SYNDIG1: variants seen among roughly 807,000 people sequenced by gnomAD.
SYNDIG1 encodes synapse differentiation-inducing gene protein 1.
A neutral mutation model predicts 19.4 loss-of-function variants in SYNDIG1; 9 were observed. The observed-to-expected ratio is 0.46, with a 90% CI of 0.28 to 0.81. The LOEUF is 0.81. Ranked by LOEUF, SYNDIG1 falls within the 30% of genes least tolerant of loss-of-function variation. The probability of loss-of-function intolerance (pLI) is 0.12; values close to 1 mark genes in which losing one functional copy is unlikely to be tolerated. For synonymous variants in SYNDIG1, 141 were observed against 145.9 expected, an observed-to-expected ratio of 0.97 and a Z score of 0.24; for missense variants, 311 against 343.3, an observed-to-expected ratio of 0.91 and a Z score of 0.74.
At chr20:24,639,207 C>T (rs528536314) in intron 3 of SYNDIG1, among the ~76,000 whole-genome samples, 31 of 152,124 alleles carry the variant, frequency 2.0e-4, no homozygotes, top group Middle Eastern at 3.2e-3. Flanking sequence ...GCAGGGAGAA[C>T]GTGACAGGCT....
rs1190303293 is a variant in SYNDIG1, at chr20:24,637,768, A to T, written c.619-27578A>T. The stretch of plus-strand genomic sequence containing the variant: ...GGTGTCACCAAGAGCCTCAGTCACC[A>T]CAGCAGGGCAGAGGCAGTGGGCTGC... On this transcript the variant is annotated intron_variant, in intron 3 of 3. Transcript: ENST00000376862. Among the ~76,000 whole-genome samples, 3 of 152,218 alleles carry T rather than the reference A, an allele frequency of 2.0e-5. No homozygotes were observed. The East Asian group carries it at 5.8e-4, about 29-fold the overall frequency.
rs905436065 is a variant in SYNDIG1 at position 24,620,973 on chromosome 20, T to C, written c.618+35980T>C. Among the ~76,000 whole-genome samples, 4 of 152,362 alleles carry C rather than the reference T, an allele frequency of 2.6e-5. No individual in the cohort carries two copies. The East Asian group carries it at 7.7e-4, about 29-fold the overall frequency. The stretch of plus-strand genomic sequence containing the variant: ...GCTATTATAACCTCTCAGGTGCCCG[T>C]TGGCATACAAAGCAATGATGATAAA... On this transcript the variant is annotated intron_variant, in intron 3 of 3. Transcript: ENST00000376862.
intron 3 of SYNDIG1, among the ~76,000 whole-genome samples, chr20:24,614,181 T>A (rs1308229224): frequency 1.3e-5 from 2 of 152,112 alleles, no homozygotes; most frequent in Non-Finnish European, 2.9e-5. Context: ...TTTTTAAATT[T>A]TTTGTAGAGA....
chr20:24,552,096 T>A (rs1224158550), intron 2 of SYNDIG1, among the ~76,000 whole-genome samples: 1 of 152,204 alleles, frequency 6.6e-6, no homozygotes, highest in Non-Finnish European at 1.5e-5. Flanking sequence ...TGTCTATTTC[T>A]TTCTTTTATT....
chr20:24,559,237 G>A (rs919493315), intron 2 of SYNDIG1, among the ~76,000 whole-genome samples: 5 of 152,152 alleles, frequency 3.3e-5, no homozygotes, highest in African/African-American at 1.2e-4. Context: ...AAACAAGCCA[G>A]GCACAGGAAG....
Position 24,584,953 on chromosome 20 carries a change from T to C in SYNDIG1, c.578T>C (p.Phe193Ser). The change falls in exon 3 of 4, where the codon TTC becomes TCC. Residue 193 changes from phenylalanine to serine, a missense_variant. By Grantham distance (155) the Phe-to-Ser change is radical. Transcript: ENST00000376862. ...GLSVFSMLCC[F>S]WPLGIAAFYL... ...AGTGTCTTCTCCATGCTCTGCTGCTTCTGGCCTCTGGGCATCGCAGCCTTC... is the reference window on the plus strand; with the variant it reads ...AGTGTCTTCTCCATGCTCTGCTGCTCCTGGCCTCTGGGCATCGCAGCCTTC... 1 of 1,613,730 alleles carries C rather than the reference T, an allele frequency of 6.2e-7. No individual in the cohort carries two copies. Among genetic ancestry groups the C allele is most frequent in the South Asian group, 1.1e-5 (1 of 91,036 alleles).
At chr20:24,585,048 TG>T in intron 3 of SYNDIG1, 55 bp downstream of exon 3, 3 of 395,190 alleles carry the variant, frequency 7.6e-6, no homozygotes, top group Non-Finnish European at 4.2e-6. Context: ...AGGGTGGGGG[TG>T]GGGGCGGCAA....
intron 2 of SYNDIG1, among the ~76,000 whole-genome samples, chr20:24,579,355 A>G (rs1398969845): frequency 6.6e-6 from 1 of 152,116 alleles, no homozygotes; most frequent in Non-Finnish European, 1.5e-5. Context: ...TCTGGTGAGG[A>G]CTAATAGTGG....
intron 3 of SYNDIG1, among the ~76,000 whole-genome samples, chr20:24,643,224 C>T (rs1336292854): frequency 6.6e-6 from 1 of 152,212 alleles, no homozygotes; most frequent in African/African-American, 2.4e-5. Context: ...AGAAACCTGG[C>T]TCCAACCATC....
chr20:24,541,733 T>A (rs1376790326), intron 1 of SYNDIG1, among the ~76,000 whole-genome samples: 2 of 152,220 alleles, frequency 1.3e-5, no homozygotes, highest in African/African-American at 4.8e-5. Context: ...CTTTCATCTC[T>A]GTAGCTACTG....
intron 3 of SYNDIG1, among the ~76,000 whole-genome samples, chr20:24,636,939 G>T (rs550663592): frequency 1.3e-5 from 2 of 152,202 alleles, no homozygotes; most frequent in Non-Finnish European, 1.5e-5. Flanking sequence ...TGCCTGGGGC[G>T]CAGTAGGAAA....
At chr20:24,526,405 G>C (rs2057124518) in intron 1 of SYNDIG1, among the ~76,000 whole-genome samples, 1 of 151,990 alleles carries the variant, frequency 6.6e-6, no homozygotes, top group African/African-American at 2.4e-5. Context: ...TCATTTGGTA[G>C]TTATCCTTGA....
chr20:24,613,354 C>T (rs554291575), intron 3 of SYNDIG1, among the ~76,000 whole-genome samples: 1 of 152,278 alleles, frequency 6.6e-6, no homozygotes, highest in East Asian at 1.9e-4. Context: ...CGCACCTGGA[C>T]AGCCGCTCTC....
At chr20:24,531,954 TG>T (rs764094833) in intron 1 of SYNDIG1, among the ~76,000 whole-genome samples, 1 of 152,216 alleles carries the variant, frequency 6.6e-6, no homozygotes, top group Non-Finnish European at 1.5e-5. Flanking sequence ...CTTCCATTGG[TG>T]GGTAACAGAG....
At chr20:24,652,729 C>T (rs1386711260) in intron 3 of SYNDIG1, among the ~76,000 whole-genome samples, 1 of 152,146 alleles carries the variant, frequency 6.6e-6, no homozygotes, top group African/African-American at 2.4e-5. Context: ...CAGCGGGGTG[C>T]CCAGCCATGT....
chr20:24,649,082 C>A (rs1217021078), intron 3 of SYNDIG1, among the ~76,000 whole-genome samples: 2 of 152,122 alleles, frequency 1.3e-5, no homozygotes, highest in Non-Finnish European at 2.9e-5. Flanking sequence ...ATGCAAAGTT[C>A]TGTGAAAGCA....
intron 2 of SYNDIG1, among the ~76,000 whole-genome samples, chr20:24,556,714 C>T (rs939848356): frequency 7.2e-5 from 11 of 152,176 alleles, no homozygotes; most frequent in Admixed American, 6.5e-4. Flanking sequence ...GGTAACCCGA[C>T]GTTTCTCTCT....
In SYNDIG1 at chr20:24,655,019, C is replaced by T. The variant is rs891060961; in HGVS notation, c.619-10327C>T. 3.3e-5 allele frequency among the ~76,000 whole-genome samples: 5 copies of T among 152,240 alleles called. No individual in the cohort carries two copies. The East Asian group carries it at 5.8e-4, about 18-fold the overall frequency. ...ACGCATGATGTTCCGAAGCCTTCCGCGGTGTGTGTTGCAGGGACAAGCTTT... is the reference window on the plus strand; with the variant it reads ...ACGCATGATGTTCCGAAGCCTTCCGTGGTGTGTGTTGCAGGGACAAGCTTT... On this transcript the variant is annotated intron_variant, in intron 3 of 3. Transcript: ENST00000376862.
At chr20:24,608,763 T>A (rs2058801602) in intron 3 of SYNDIG1, among the ~76,000 whole-genome samples, 1 of 152,186 alleles carries the variant, frequency 6.6e-6, no homozygotes, top group Non-Finnish European at 1.5e-5. Context: ...TCAGTAAGGA[T>A]GGGGCTGAGA....
Sources: allele counts gnomAD v4.1 joint callset (sites outside exome capture counted in the v4.1 genomes callset), GRCh38; gene constraint gnomAD v4.1.1; transcripts MANE v1.5; gene names NCBI Gene and HGNC (gene_info 2026-07-23, HGNC 2026-07-21).